FBXL16: variants seen among roughly 807,000 people sequenced by gnomAD.
The protein encoded by FBXL16 is F-box and leucine rich repeat protein 16, also known as F-box/LRR-repeat protein 16.
Under a neutral mutation model 36.7 loss-of-function variants are expected in FBXL16, and 7 were observed. The ratio of observed to expected loss-of-function variants is 0.19; its 90% CI spans 0.11 to 0.36. FBXL16 has a LOEUF of 0.36. FBXL16 is among the 10% of genes least tolerant of loss of function. The pLI is 1.00. For missense variants in FBXL16, 463 were observed against 659.4 expected, an observed-to-expected ratio of 0.70 and a Z score of 3.26; for synonymous variants, 355 against 308.7, an observed-to-expected ratio of 1.15 and a Z score of -1.57.
Position 695,072 on chromosome 16 carries a change from C to A in FBXL16, c.1147G>T (p.Val383Leu). 3 of 1,608,198 alleles carry A rather than the reference C, an allele frequency of 1.9e-6. No homozygotes were observed. The highest frequency in any genetic ancestry group is 1.1e-5 in the South Asian group (1 of 90,144). The change falls in exon 4 of 6, where the codon GTA (valine) becomes TTA (leucine). Residue 383 changes from valine (V) to leucine (L), a missense_variant. Val to Leu is a conservative substitution (Grantham distance 32). Transcript: ENST00000397621. ...CTGAGGCCAGTGTCCGTGATGCGTA[C>A]ACACCTGTGGTTGCACCAGAGGGGA... ...RLEELVLDRC[V>L]RITDTGLSYL...
In FBXL16 at chr16:695,420, G is replaced by C; in HGVS notation, c.1137C>G (p.Leu379=). 1.3e-6 allele frequency: 2 copies of C among 1,533,260 alleles called. No homozygotes were observed. The highest frequency in any genetic ancestry group is 1.2e-5 in the South Asian group (1 of 84,156). The allele number at this position is 1,533,260 out of a possible 1,614,324, so 95.0% of individuals were successfully genotyped here. ...CGCGGCCCGGGGGCGCGCACCTGTC[G>C]AGCACGAGCTCCTCTAGGCGGTGCA... ...CDLHRLEELV[L]DRCVRITDTG... Residue 379 remains leucine, a synonymous_variant, in exon 3 of 6, where the codon CTC becomes CTG. Coordinates refer to ENST00000397621, the MANE Select transcript of FBXL16 (RefSeq NM_153350.4).
At position 697,374 on chromosome 16, in the gene FBXL16, T is replaced by C; in HGVS notation, c.32A>G (p.Lys11Arg). The part of the protein sequence containing the change: MSSPGIDGDP[K>R]PPCLPRNGLV... ...ACCGTTTCGAGGCAAGCATGGAGGCTTGGGGTCGCCGTCGATGCCCGGGCT... is the reference window on the plus strand; with the variant it reads ...ACCGTTTCGAGGCAAGCATGGAGGCCTGGGGTCGCCGTCGATGCCCGGGCT... Residue 11 changes from lysine (K) to arginine (R), a missense_variant, in exon 2 of 6, where the codon AAG (lysine) becomes AGG (arginine). Lys to Arg is a conservative substitution (Grantham distance 26). This residue lies in a region of FBXL16 where 263 missense variants were observed against 341.1 expected (regional missense o/e 0.77). Transcript: ENST00000397621. The surrounding 1 kb of genome is among the most constrained non-coding windows in gnomAD (Gnocchi z 4.6). 6.5e-7 allele frequency: 1 copy of C among 1,536,914 alleles called. No individual in the cohort carries two copies. Among genetic ancestry groups the C allele is most frequent in the Non-Finnish European group, 8.7e-7 (1 of 1,147,734 alleles).
chr16:700,190 G>T (rs2040045528), intron 1 of FBXL16, among the ~76,000 whole-genome samples: 1 of 152,102 alleles, frequency 6.6e-6, no homozygotes, highest in South Asian at 2.1e-4. Context: ...GGGACCAGGG[G>T]TCTCGCCAGA....
intron 2 of FBXL16, 44 bp from the exon 3 acceptor site, chr16:695,967 T>C: frequency 6.5e-7 from 1 of 1,539,692 alleles, no homozygotes; most frequent in Non-Finnish European, 8.8e-7. Flanking sequence ...GGAGAAGGGG[T>C]GGAGCCCGCA....
At chr16:699,240 C>A (rs910945743) in intron 1 of FBXL16, among the ~76,000 whole-genome samples, 1 of 152,374 alleles carries the variant, frequency 6.6e-6, no homozygotes, top group South Asian at 2.1e-4. Context: ...AGGCCAGCGA[C>A]ATCCACGCAC....
At chr16:694,765 A>G (rs2039997928) in intron 4 of FBXL16, 68 bp from the exon 5 acceptor site, 2 of 1,502,004 alleles carry the variant, frequency 1.3e-6, no homozygotes, top group African/African-American at 2.8e-5. Flanking sequence ...CCTGGGGTCC[A>G]TGGAGGGCTA....
intron 1 of FBXL16, among the ~76,000 whole-genome samples, chr16:702,721 G>A (rs1293846826): frequency 1.3e-5 from 2 of 152,200 alleles, no homozygotes; most frequent in South Asian, 2.1e-4. Flanking sequence ...GGCCTCTGGG[G>A]TTGGGACTAG....
chr16:697,444 A>G lies in FBXL16; in HGVS notation c.-14-25T>C, dbSNP rs1280321279. The G allele has an allele frequency of 6.0e-6, 9 of 1,491,730 alleles. No individual in the cohort carries two copies. In the East Asian group the frequency reaches 7.6e-5, roughly 13 times the overall value. The allele number at this position is 1,491,730 out of a possible 1,614,324, so 92.4% of individuals were successfully genotyped here. On this transcript the variant is annotated intron_variant, in intron 1 of 5. Transcript: ENST00000397621. This position sits in a 1 kb window ranked among gnomAD's most constrained non-coding sequence, Gnocchi z 4.6. ...TCTGTGGATGAGGGCCGGGAGGGGGAGTGAGTCTGTTGCTGAGTCTGGAAG... is the reference window on the plus strand; with the variant it reads ...TCTGTGGATGAGGGCCGGGAGGGGGGGTGAGTCTGTTGCTGAGTCTGGAAG...
chr16:696,225 GTATTTATT>G (rs766142167), intron 2 of FBXL16, among the ~76,000 whole-genome samples: 1 of 150,532 alleles, frequency 6.6e-6, no homozygotes, highest in Non-Finnish European at 1.5e-5. Flanking sequence ...CACTGCATTT[GTATTTATT>G]TATTTATTTA....
In FBXL16 at chr16:695,613, A is replaced by G; in HGVS notation, c.944T>C (p.Val315Ala). ...WEITNHGVVN[V>A]VHSLPNLTAL... ...GGTGAGGTTGGGCAGGCTGTGCACC[A>G]CGTTGACCACGCCGTGGTTGGTGAT... Residue 315 changes from valine (V) to alanine (A), a missense_variant, in exon 3 of 6, where the codon GTG becomes GCG. Physicochemically the swap from Val to Ala is moderately conservative, Grantham distance 64. This residue lies in a region of FBXL16 where 66 missense variants were observed against 146.3 expected (regional missense o/e 0.45). Coordinates refer to ENST00000397621, the MANE Select transcript of FBXL16 (RefSeq NM_153350.4). The G allele has an allele frequency of 6.2e-7, 1 of 1,606,512 alleles. No homozygotes were observed. The highest frequency in any genetic ancestry group is 8.5e-7 in the Non-Finnish European group (1 of 1,178,932).
At chr16:699,834 G>A (rs2040042846) in intron 1 of FBXL16, among the ~76,000 whole-genome samples, 1 of 152,046 alleles carries the variant, frequency 6.6e-6, no homozygotes, top group Admixed American at 6.5e-5. Context: ...GGGTGTCTGA[G>A]AGTCTCCCAC....
In FBXL16 at chr16:697,222, C is replaced by T. The variant is rs1298306492; in HGVS notation, c.184G>A (p.Ala62Thr). The change falls in exon 2 of 6, where the codon GCT becomes ACT. Residue 62 changes from alanine (A) to threonine (T), a missense_variant. Physicochemically the swap from Ala to Thr is moderately conservative, Grantham distance 58. This residue lies in a region of FBXL16 where 263 missense variants were observed against 341.1 expected (regional missense o/e 0.77). Transcript: ENST00000397621. The surrounding 1 kb of genome is among the most constrained non-coding windows in gnomAD (Gnocchi z 4.6). ...PPTLPPPSLA[A>T]PLSRAALAGG... is the part of the protein sequence containing the mutation. ...GCCAGGGCAGCCCGGGACAGTGGAG[C>T]AGCCAGGCTGGGTGGTGGGAGGGTG... 2.5e-6 allele frequency: 3 copies of T among 1,208,896 alleles called. No individual in the cohort carries two copies. In the East Asian group the frequency reaches 2.0e-4, roughly 79 times the overall value. 74.9% of individuals were successfully genotyped at this position (1,208,896 alleles called of 1,614,324 possible).
chr16:701,309 C>T (rs759073203), intron 1 of FBXL16, among the ~76,000 whole-genome samples: 3 of 152,222 alleles, frequency 2.0e-5, no homozygotes, highest in Non-Finnish European at 4.4e-5. Flanking sequence ...TGTGGTCAGC[C>T]CTCGACCCGT....
chr16:695,220 A>G (rs1208494948), intron 3 of FBXL16, 144 bp from the exon 4 acceptor site: 2 of 1,162,400 alleles, frequency 1.7e-6, no homozygotes, highest in Non-Finnish European at 2.4e-6. Flanking sequence ...ACCCACCGGG[A>G]AGGACGGGGG....
In FBXL16 at chr16:694,092, G is replaced by T; in HGVS notation, c.*183C>A. The T allele has an allele frequency of 3.3e-6, 1 of 301,020 alleles. No homozygotes were observed. The highest frequency in any genetic ancestry group is 6.1e-6 in the Non-Finnish European group (1 of 164,902). The allele number at this position is 301,020 out of a possible 1,614,324, so 18.6% of individuals were successfully genotyped here. Reference sequence around the variant, plus strand: ...CCGCCGCCCCCCTGCCCGGGGCGGGGCTGGGAGGGCGGAGGGACCGAAGGT... The same window carrying T: ...CCGCCGCCCCCCTGCCCGGGGCGGGTCTGGGAGGGCGGAGGGACCGAAGGT... On this transcript the variant is annotated 3_prime_UTR_variant, in exon 6 of 6. Transcript: ENST00000397621.
chr16:695,450 G>C lies in FBXL16; in HGVS notation c.1107C>G (p.Cys369Trp). Reference protein sequence around the residue: ...ITDMALEYVACDLHRLEELVL... With the variant: ...ITDMALEYVAWDLHRLEELVL... ...CGAGCTCCTCTAGGCGGTGCAGGTC[G>C]CAGGCCACGTACTCCAGCGCCATGT... Residue 369 changes from cysteine to tryptophan, a missense_variant, in exon 3 of 6, where the codon TGC becomes TGG. Around this residue, in one of 3 missense-constraint regions of FBXL16, gnomAD observed 134 missense variants for 172.0 expected, o/e 0.78. Transcript: ENST00000397621. 3 of 1,555,792 alleles carry C rather than the reference G, an allele frequency of 1.9e-6. No individual in the cohort carries two copies. The highest frequency in any genetic ancestry group is 2.6e-6 in the Non-Finnish European group (3 of 1,157,746).
Position 697,430 on chromosome 16 carries a change from G to C in FBXL16, c.-14-11C>G. 6.6e-7 allele frequency: 1 copy of C among 1,518,728 alleles called. No individual in the cohort carries two copies. 94.1% of individuals were successfully genotyped at this position (1,518,728 alleles called of 1,614,324 possible). The stretch of plus-strand genomic sequence containing the variant: ...TCTTCCTGGCACGCTCTGTGGATGA[G>C]GGCCGGGAGGGGGAGTGAGTCTGTT... On this transcript the variant is annotated splice_polypyrimidine_tract_variant and intron_variant, in intron 1 of 5. Coordinates refer to ENST00000397621, the MANE Select transcript of FBXL16 (RefSeq NM_153350.4). The surrounding 1 kb of genome is among the most constrained non-coding windows in gnomAD (Gnocchi z 4.6).
chr16:698,149 G>A (rs536402483), intron 1 of FBXL16, among the ~76,000 whole-genome samples: 1 of 151,898 alleles, frequency 6.6e-6, no homozygotes, highest in South Asian at 2.1e-4. Context: ...GAATTCGGGC[G>A]CCCACCACCA....
In FBXL16 at chr16:695,095, G is replaced by T. The variant is rs750594715; in HGVS notation, c.1143-19C>A. On this transcript the variant is annotated intron_variant, in intron 3 of 5. Transcript: ENST00000397621. ...TACACACCTGTGGTTGCACCAGAGG[G>T]GACCCCCACCTTCAAATCACCTGGC... 13 of 1,598,230 alleles carry T rather than the reference G, an allele frequency of 8.1e-6. No individual in the cohort carries two copies. The East Asian group carries it at 2.5e-4, about 31-fold the overall frequency.
Sources: allele counts gnomAD v4.1 joint callset (sites outside exome capture counted in the v4.1 genomes callset), GRCh38; gene constraint gnomAD v4.1.1; regional missense constraint gnomAD v4.1.1; non-coding constraint Gnocchi (gnomAD v3.1); transcripts MANE v1.5; gene names NCBI Gene and HGNC (gene_info 2026-07-23, HGNC 2026-07-21).